The following UPB1 variants were observed in gnomAD, a reference collection of about 807,000 sequenced individuals.
UPB1 encodes beta-ureidopropionase 1, also known as beta-ureidopropionase.
In UPB1, 40 loss-of-function variants were observed where a neutral mutation model predicts 49.1. The ratio of observed to expected loss-of-function variants is 0.81; its 90% CI spans 0.63 to 1.06. The LOEUF (loss-of-function observed/expected upper bound fraction) is 1.06. UPB1 is among the 50% of genes least tolerant of loss of function. UPB1 has a pLI of 0.00. For missense variants in UPB1, 499 were observed against 505.9 expected, an observed-to-expected ratio of 0.99 and a Z score of 0.13; for synonymous variants, 207 against 198.2, an observed-to-expected ratio of 1.04 and a Z score of -0.38.
chr22:24,504,187 G>T (rs1451269376), intron 3 of UPB1, among the ~76,000 whole-genome samples: 3 of 152,238 alleles, frequency 2.0e-5, no homozygotes, highest in African/African-American at 7.2e-5. Context: ...CAACCGCTCT[G>T]GTACTGGAGC....
intron 1 of UPB1, among the ~76,000 whole-genome samples, chr22:24,496,966 C>T (rs2043902005): frequency 6.6e-6 from 1 of 152,118 alleles, no homozygotes; most frequent in Admixed American, 6.5e-5. Flanking sequence ...GCTCCCTAGG[C>T]AGCAGGGAGA....
rs2044489914 is a variant in UPB1 at position 24,527,340 on chromosome 22, A to C, written c.*1546A>C. ...CACTGTGCTCCAGCCTGGACAACAG[A>C]GTGAGAGCCTATCTCCAAAAAAAAA... On this transcript the variant is annotated 3_prime_UTR_variant, in exon 10 of 10. Coordinates refer to ENST00000326010, the MANE Select transcript of UPB1 (RefSeq NM_016327.3). The C allele has an allele frequency of 6.6e-6, 1 of 151,194 alleles. No individual in the cohort carries two copies. Among genetic ancestry groups the C allele is most frequent in the Non-Finnish European group, 1.5e-5 (1 of 67,926 alleles). The allele number at this position is 151,194 out of a possible 1,614,324, so 9.4% of individuals were successfully genotyped here.
At chr22:24,511,462 G>A (rs1002192523) in intron 4 of UPB1, among the ~76,000 whole-genome samples, 2 of 151,974 alleles carry the variant, frequency 1.3e-5, no homozygotes, top group Non-Finnish European at 2.9e-5. Context: ...AGATAGTGGT[G>A]AAGGTTGCAC....
chr22:24,518,878 C>T (rs761948984), intron 6 of UPB1, among the ~76,000 whole-genome samples: 2 of 152,068 alleles, frequency 1.3e-5, no homozygotes, highest in Non-Finnish European at 2.9e-5. Flanking sequence ...GTGTGTGCAC[C>T]GCGCTGGGAA....
At chr22:24,512,643 C>T (rs1478619399) in intron 4 of UPB1, among the ~76,000 whole-genome samples, 1 of 152,098 alleles carries the variant, frequency 6.6e-6, no homozygotes, top group African/African-American at 2.4e-5. Flanking sequence ...AGAATTTTTG[C>T]ATCTTGCAAA....
intron 1 of UPB1, among the ~76,000 whole-genome samples, chr22:24,496,798 T>C (rs1201997975): frequency 5.7e-5 from 1 of 17,546 alleles, no homozygotes; most frequent in Non-Finnish European, 1.0e-4. Context: ...AGGTGAGGAC[T>C]CTGGGGCAGG....
Position 24,525,823 on chromosome 22 carries a change from G to A in UPB1, c.*29G>A, listed in dbSNP as rs1183397010. 2 of 1,613,668 alleles carry A rather than the reference G, an allele frequency of 1.2e-6. No individual in the cohort carries two copies. Among genetic ancestry groups the A allele is most frequent in the South Asian group, 1.1e-5 (1 of 91,076 alleles). ...GCTTCAGTGCCTGCCTTGGGGTGAG[G>A]AAGACACCTCTGCCCCAGTGGATTA... On this transcript the variant is annotated 3_prime_UTR_variant, in exon 10 of 10. Transcript: ENST00000326010.
chr22:24,515,931 G>T (rs535257872), intron 6 of UPB1, among the ~76,000 whole-genome samples: 102 of 152,236 alleles, frequency 6.7e-4, no homozygotes, highest in Non-Finnish European at 1.2e-3. Flanking sequence ...AGCCAAGATG[G>T]CACCACTGCA....
chr22:24,498,353 C>T (rs951138253), intron 1 of UPB1, among the ~76,000 whole-genome samples: 2 of 152,212 alleles, frequency 1.3e-5, no homozygotes. Flanking sequence ...TGGTCATTGA[C>T]TGCGTCTACA....
At chr22:24,524,712 A>C (rs2044452357) in intron 9 of UPB1, among the ~76,000 whole-genome samples, 1 of 151,420 alleles carries the variant, frequency 6.6e-6, no homozygotes, top group Non-Finnish European at 1.5e-5. Context: ...CTGGTCTTGA[A>C]CTCCTGGCTT....
intron 5 of UPB1, 25 bp from the exon 6 acceptor site, chr22:24,515,176 C>T (rs1446912094): frequency 6.2e-7 from 1 of 1,613,952 alleles, no homozygotes; most frequent in Non-Finnish European, 8.5e-7. Flanking sequence ...TCAGAGGCAT[C>T]AGTATATGGC....
Position 24,526,181 on chromosome 22 carries a change from C to T in UPB1, c.*387C>T, listed in dbSNP as rs2044479088. The T allele has an allele frequency of 4.5e-5, 15 of 333,298 alleles. No homozygotes were observed. Among genetic ancestry groups the T allele is most frequent in the South Asian group, 3.7e-4 (15 of 40,508 alleles). The allele number at this position is 333,298 out of a possible 1,614,324, so 20.6% of individuals were successfully genotyped here. A position where few individuals can be genotyped will look rare whatever the true frequency, so the allele number is the denominator to read the frequency against. ...CAGTGGGAAGAGGGTGAGGGCTGAT[C>T]CAGAGACCCTGAGCCTACAGCAAGG... On this transcript the variant is annotated 3_prime_UTR_variant, in exon 10 of 10. Transcript: ENST00000326010.
rs1568999576 is a variant in UPB1, at chr22:24,526,752, A to T, written c.*958A>T. ...AAGGCATCAATGACTCTATTTCCAT[A>T]GAGTCAGGGTAAAGAGGGTAGTTGG... On this transcript the variant is annotated 3_prime_UTR_variant, in exon 10 of 10. Transcript: ENST00000326010. The T allele has an allele frequency of 6.6e-6, 1 of 152,138 alleles. No individual in the cohort carries two copies. The highest frequency in any genetic ancestry group is 1.5e-5 in the Non-Finnish European group (1 of 68,026). 9.4% of individuals were successfully genotyped at this position (152,138 alleles called of 1,614,324 possible). A position where few individuals can be genotyped will look rare whatever the true frequency, so the allele number is the denominator to read the frequency against.
chr22:24,513,259 C>A (rs1415860640), intron 4 of UPB1, 65 bp from the exon 5 acceptor site: 2 of 1,611,950 alleles, frequency 1.2e-6, no homozygotes, highest in Admixed American at 3.3e-5. Flanking sequence ...GATCATTCTT[C>A]TTTGATAAAA....
At chr22:24,516,186 C>T (rs569083362) in intron 6 of UPB1, among the ~76,000 whole-genome samples, 4 of 152,140 alleles carry the variant, frequency 2.6e-5, no homozygotes, top group African/African-American at 9.7e-5. Flanking sequence ...GGAAACTTGT[C>T]TTTAACCAGA....
intron 4 of UPB1, among the ~76,000 whole-genome samples, chr22:24,511,618 A>ATATTTTT (rs1280628896): frequency 8.2e-6 from 1 of 122,568 alleles, no homozygotes; most frequent in African/African-American, 3.1e-5. Flanking sequence ...ATATATATAT[A>ATATTTTT]TTTTTTTTTT....
intron 1 of UPB1, among the ~76,000 whole-genome samples, chr22:24,496,406 C>CACAT (rs1555883959): frequency 1.5e-4 from 19 of 129,114 alleles, no homozygotes; most frequent in African/African-American, 5.7e-4. Context: ...CACACACATA[C>CACAT]ACACACACAC....
chr22:24,505,924 GCTGGT>G (rs903113751), intron 3 of UPB1, among the ~76,000 whole-genome samples: 130 of 151,952 alleles, frequency 8.6e-4, no homozygotes, highest in African/African-American at 3.1e-3. Context: ...TGTTGGCCAG[GCTGGT>G]CTCGAACTCC....
intron 1 of UPB1, among the ~76,000 whole-genome samples, chr22:24,499,101 T>C (rs1321650791): frequency 2.6e-5 from 4 of 152,240 alleles, no homozygotes; most frequent in African/African-American, 7.2e-5. Flanking sequence ...GCAGGCTGAT[T>C]GTCAGGGGCG....
Sources: gnomAD v4.1 joint callset for allele counts (sites outside exome capture counted in the v4.1 genomes callset) on GRCh38, gnomAD v4.1.1 for gene constraint, MANE v1.5 for transcripts, NCBI Gene and HGNC (gene_info 2026-07-23, HGNC 2026-07-21) for gene names.